The following HMCN2 variants were observed in gnomAD, a reference collection of about 807,000 sequenced individuals.
HMCN2 encodes the protein hemicentin-2.
In HMCN2, 325 loss-of-function variants were observed where a neutral mutation model predicts 377.5. The ratio of observed to expected loss-of-function variants is 0.86; its 90% CI spans 0.79 to 0.94. The LOEUF (loss-of-function observed/expected upper bound fraction) is 0.94, where lower values mean the gene tolerates loss of function less well. Ranked by LOEUF, HMCN2 falls within the 40% of genes least tolerant of loss-of-function variation. HMCN2 has a pLI of 0.00. For missense variants in HMCN2, 4,543 were observed against 4,725.3 expected (o/e 0.96, Z 1.13); for synonymous variants, 2,007 against 2,046.8 (o/e 0.98, Z 0.53).
chr9:130,408,912 G>A lies in HMCN2; in HGVS notation c.12858G>A (p.Ser4286=), dbSNP rs369855798. 282 of 1,289,524 alleles carry A rather than the reference G, an allele frequency of 2.2e-4. 1 individual carries two copies. The African/African-American group carries it at 3.7e-3, about 17-fold the overall frequency. The allele number at this position is 1,289,524 out of a possible 1,614,324, so 79.9% of individuals were successfully genotyped here. Residue 4286 remains serine (S), a synonymous_variant, in exon 84 of 98, where the codon TCG becomes TCA. Coordinates refer to ENST00000683500, the MANE Select transcript of HMCN2 (RefSeq NM_001291815.2). ...TCCGGCACCAGCTGCAGAATGGCTC[G>A]CTGACCATCCGCAGGACTGAGGCAA... ...SHLRHQLQNG[S]LTIRRTERDD... is the part of the protein sequence containing the mutation.
In HMCN2 at chr9:130,376,648, A is replaced by G. The variant is rs1841396288; in HGVS notation, c.8051A>G (p.Lys2684Arg). The part of the protein sequence containing the change: ...AVPPPTIRWY[K>R]DGQPVTPSSR... ...CCCCCGCCCACCATCCGCTGGTACA[A>G]GGATGGACAGGTGAGTTTGGGACCC... The change falls in exon 52 of 98, where the codon AAG becomes AGG. Residue 2684 changes from lysine (K) to arginine (R), a missense_variant. This residue lies in a region of HMCN2 where 736 missense variants were observed against 773.2 expected (regional missense o/e 0.95). Coordinates refer to ENST00000683500, the MANE Select transcript of HMCN2 (RefSeq NM_001291815.2). 2.0e-6 allele frequency: 2 copies of G among 985,734 alleles called. No homozygotes were observed. The highest frequency in any genetic ancestry group is 4.7e-5 in the South Asian group (1 of 21,298). 61.1% of individuals were successfully genotyped at this position (985,734 alleles called of 1,614,324 possible).
intron 22 of HMCN2, among the ~76,000 whole-genome samples, chr9:130,334,760 TC>T (rs1241295282): frequency 3.1e-3 from 71 of 23,274 alleles, no homozygotes; most frequent in African/African-American, 6.2e-3. Context: ...CTCTCTCTCT[TC>T]TCTCTCTCTC....
intron 88 of HMCN2, 46 bp downstream of exon 88, chr9:130,424,959 C>T (rs760001579): frequency 1.4e-4 from 207 of 1,496,166 alleles, no homozygotes; most frequent in Non-Finnish European, 1.8e-4. Flanking sequence ...CTAAAGCCTG[C>T]GCCCAGGACC....
chr9:130,429,220 G>T, intron 93 of HMCN2: 1 of 304,146 alleles, frequency 3.3e-6, no homozygotes, highest in Non-Finnish European at 6.1e-6. Flanking sequence ...CCCATGAAGA[G>T]GTCACATCTT....
At chr9:130,388,699 G>A (rs926958090) in intron 62 of HMCN2, among the ~76,000 whole-genome samples, 159 bp downstream of exon 62, 2 of 147,704 alleles carry the variant, frequency 1.4e-5, no homozygotes, top group Non-Finnish European at 3.0e-5. Context: ...TTGTGTTTGA[G>A]TGAAGCGTTG....
rs1475478927 is a variant in HMCN2 at position 130,393,871 on chromosome 9, C to G, written c.10364C>G (p.Pro3455Arg). The G allele has an allele frequency of 1.6e-6, 2 of 1,289,612 alleles. No homozygotes were observed. Among genetic ancestry groups the G allele is most frequent in the East Asian group, 5.6e-5 (1 of 18,006 alleles). The allele number at this position is 1,289,612 out of a possible 1,614,324, so 79.9% of individuals were successfully genotyped here. A position where few individuals can be genotyped will look rare whatever the true frequency, so the allele number is the denominator to read the frequency against. Residue 3455 changes from proline to arginine, a missense_variant, in exon 68 of 98, where the codon CCC (proline) becomes CGC (arginine). Coordinates refer to ENST00000683500, the MANE Select transcript of HMCN2 (RefSeq NM_001291815.2). This position sits in a 1 kb window ranked among gnomAD's most constrained non-coding sequence, Gnocchi z 5.2. ...PLVSWMKDGE[P>R]LLSQSLEQGP... ...GTGTCGTGGATGAAGGATGGGGAACCCTTGTTGTCCCAGAGCCTCGAGCAG... is the reference window on the plus strand; with the variant it reads ...GTGTCGTGGATGAAGGATGGGGAACGCTTGTTGTCCCAGAGCCTCGAGCAG...
chr9:130,338,921 G>T (rs1449732124), intron 23 of HMCN2, among the ~76,000 whole-genome samples: 4 of 152,216 alleles, frequency 2.6e-5, no homozygotes, highest in Non-Finnish European at 4.4e-5. Flanking sequence ...AGACGTAGTG[G>T]CTCATGCCTG....
intron 3 of HMCN2, among the ~76,000 whole-genome samples, chr9:130,285,769 C>A (rs563990323): frequency 6.6e-6 from 1 of 152,266 alleles, no homozygotes; most frequent in African/African-American, 2.4e-5. Context: ...GGGAGAAGAG[C>A]CTGCTCTTTG....
intron 4 of HMCN2, 37 bp downstream of exon 4, chr9:130,286,347 C>G: frequency 2.1e-6 from 1 of 468,932 alleles, no homozygotes; most frequent in Non-Finnish European, 4.4e-6. Context: ...CGGAGCCCAT[C>G]ACTCGGGCAC....
At chr9:130,325,189 A>T (rs1474578609) in intron 19 of HMCN2, among the ~76,000 whole-genome samples, 1 of 145,024 alleles carries the variant, frequency 6.9e-6, no homozygotes, top group Non-Finnish European at 1.5e-5. Flanking sequence ...TCCGCCTTCC[A>T]GTTCAAGCAA....
chr9:130,427,705 G>A, intron 92 of HMCN2, 86 bp downstream of exon 92: 1 of 1,444,222 alleles, frequency 6.9e-7, no homozygotes, highest in East Asian at 2.5e-5. Context: ...CCAGGACCCT[G>A]GCTGGGGACA....
Position 130,398,566 on chromosome 9 carries a change from C to T in HMCN2, c.11342C>T (p.Ala3781Val), listed in dbSNP as rs1218142067. Residue 3781 changes from alanine to valine, a missense_variant, in exon 75 of 98, where the codon GCC (alanine) becomes GTC (valine). Ala to Val is a moderately conservative substitution (Grantham distance 64). Transcript: ENST00000683500. ...DLRVLEPPAI[A>V]PSPSNLTLTA... ...CTCTCCCCAGAGCCTCCAGCCATCG[C>T]CCCCAGCCCCTCCAACCTGACCCTG... 5 of 1,257,706 alleles carry T rather than the reference C, an allele frequency of 4.0e-6. No homozygotes were observed. The highest frequency in any genetic ancestry group is 5.2e-6 in the Non-Finnish European group (5 of 968,228). 77.9% of individuals were successfully genotyped at this position (1,257,706 alleles called of 1,614,324 possible).
Position 130,385,687 on chromosome 9 carries a change from T to G in HMCN2, c.9234T>G (p.Asp3078Glu), listed in dbSNP as rs774982716. 1 of 1,304,140 alleles carries G rather than the reference T, an allele frequency of 7.7e-7. No homozygotes were observed. The allele number at this position is 1,304,140 out of a possible 1,614,324, so 80.8% of individuals were successfully genotyped here. ...LPEPTVTWYK[D>E]GQPLVLAQRT... ...AGCCAACTGTGACCTGGTACAAGGATGGGCAGCCCCTGGTCCTGGCACAGC... is the reference window on the plus strand; with the variant it reads ...AGCCAACTGTGACCTGGTACAAGGAGGGGCAGCCCCTGGTCCTGGCACAGC... The change falls in exon 60 of 98, where the codon GAT (aspartate) becomes GAG (glutamate). Residue 3078 changes from aspartate (D) to glutamate (E), a missense_variant. Physicochemically the swap from Asp to Glu is conservative, Grantham distance 45. Transcript: ENST00000683500.
At chr9:130,408,967 C>G (rs1843262427) in intron 84 of HMCN2, 34 bp downstream of exon 84, 16 of 1,253,088 alleles carry the variant, frequency 1.3e-5, no homozygotes, top group African/African-American at 1.5e-5. Context: ...GGTGGGGCCA[C>G]TGAGGACAAC....
At chr9:130,268,800 C>T (rs1270572734) in intron 1 of HMCN2, among the ~76,000 whole-genome samples, 4 of 148,132 alleles carry the variant, frequency 2.7e-5, no homozygotes, top group South Asian at 2.2e-4. Flanking sequence ...TGGGTGTGCA[C>T]GGGAGGAGTG....
chr9:130,272,369 T>C (rs1219349524), intron 1 of HMCN2, among the ~76,000 whole-genome samples: 2 of 148,766 alleles, frequency 1.3e-5, no homozygotes, highest in African/African-American at 4.9e-5. Context: ...GCCTTCTTAG[T>C]AGCTGGGATT....
chr9:130,328,811 G>A (rs1838278580), intron 22 of HMCN2, among the ~76,000 whole-genome samples: 1 of 152,108 alleles, frequency 6.6e-6, no homozygotes, highest in Non-Finnish European at 1.5e-5. Flanking sequence ...CACCCTTTTG[G>A]GGTAATGACG....
chr9:130,411,820 G>A (rs929819711), intron 85 of HMCN2, among the ~76,000 whole-genome samples: 2 of 151,990 alleles, frequency 1.3e-5, no homozygotes, highest in Non-Finnish European at 2.9e-5. Flanking sequence ...GGAGAAGGGG[G>A]AGTTAGAATT....
chr9:130,284,902 C>A (rs1255528383), intron 2 of HMCN2, among the ~76,000 whole-genome samples: 3 of 152,204 alleles, frequency 2.0e-5, no homozygotes, highest in African/African-American at 7.2e-5. Flanking sequence ...TAGTGACTGC[C>A]CTCCATGCCA....
Sources: allele counts gnomAD v4.1 joint callset (sites outside exome capture counted in the v4.1 genomes callset), GRCh38; gene constraint gnomAD v4.1.1; regional missense constraint gnomAD v4.1.1; non-coding constraint Gnocchi (gnomAD v3.1); transcripts MANE v1.5; gene names NCBI Gene and HGNC (gene_info 2026-07-23, HGNC 2026-07-21).